The following SLC10A7 variants were observed in gnomAD, a reference collection of about 807,000 sequenced individuals.
SLC10A7 encodes the protein solute carrier family 10 member 7, also known as sodium/bile acid cotransporter 7.
In SLC10A7, 29 loss-of-function variants were observed where a neutral mutation model predicts 43.2. That is an observed-to-expected ratio of 0.67 (90% CI 0.50 to 0.92). The LOEUF is 0.92. Among genes scored for constraint, SLC10A7 ranks in the 40% least tolerant of loss-of-function variants. The pLI, the probability that SLC10A7 is intolerant of heterozygous loss-of-function variation, is 0.00. For synonymous variants in SLC10A7, 152 were observed against 144.8 expected, an observed-to-expected ratio of 1.05 and a Z score of -0.35; for missense variants, 295 against 403.2, an observed-to-expected ratio of 0.73 and a Z score of 2.30.
At chr4:146,376,476 C>T (rs79118085) in intron 5 of SLC10A7, among the ~76,000 whole-genome samples, 9,608 of 152,058 alleles carry the variant, frequency 0.063, 386 homozygotes, top group South Asian at 0.17. Context: ...AAACCCCAAA[C>T]CCCACTGGCA....
At chr4:146,489,901 C>A (rs1300024528) in intron 4 of SLC10A7, among the ~76,000 whole-genome samples, 2 of 152,140 alleles carry the variant, frequency 1.3e-5, no homozygotes. Context: ...AGTTTATCAA[C>A]CACAGGCAAA....
chr4:146,391,871 AG>A (rs755661541), intron 5 of SLC10A7, among the ~76,000 whole-genome samples: 2 of 152,196 alleles, frequency 1.3e-5, no homozygotes, highest in Non-Finnish European at 1.5e-5. Context: ...TTAAGGCAAA[AG>A]CCCACTGGCC....
At chr4:146,459,449 A>G (rs1468967106) in intron 4 of SLC10A7, among the ~76,000 whole-genome samples, 1 of 151,812 alleles carries the variant, frequency 6.6e-6, no homozygotes, top group Non-Finnish European at 1.5e-5. Flanking sequence ...TAATCAAGAT[A>G]ATGTGGTACT....
intron 5 of SLC10A7, among the ~76,000 whole-genome samples, chr4:146,440,317 T>C (rs1730505629): frequency 6.6e-6 from 1 of 151,484 alleles, no homozygotes; most frequent in Non-Finnish European, 1.5e-5. Context: ...AGAGTCTCGC[T>C]CTTTCACCCA....
At chr4:146,273,510 G>C (rs1347993437) in intron 10 of SLC10A7, among the ~76,000 whole-genome samples, 2 of 152,110 alleles carry the variant, frequency 1.3e-5, no homozygotes, top group East Asian at 1.9e-4. Context: ...TAACTATCTC[G>C]AAGGGTGGTT....
intron 5 of SLC10A7, among the ~76,000 whole-genome samples, chr4:146,338,608 T>C (rs1734050778): frequency 6.6e-6 from 1 of 151,988 alleles, no homozygotes. Flanking sequence ...GAAAAGTTGA[T>C]GCCCAAGGAG....
At chr4:146,347,386 A>C (rs533911464) in intron 5 of SLC10A7, among the ~76,000 whole-genome samples, 1 of 152,208 alleles carries the variant, frequency 6.6e-6, no homozygotes, top group Non-Finnish European at 1.5e-5. Flanking sequence ...AAATACCTCA[A>C]AAAGTGCTCT....
chr4:146,516,850 C>T (rs182117370), intron 2 of SLC10A7, among the ~76,000 whole-genome samples, 188 bp downstream of exon 2: 6 of 152,306 alleles, frequency 3.9e-5, no homozygotes, highest in Admixed American at 2.6e-4. Flanking sequence ...TGCTGCTCAA[C>T]TGTACAGCTT....
intron 3 of SLC10A7, among the ~76,000 whole-genome samples, 165 bp downstream of exon 3, chr4:146,509,748 C>A (rs542964769): frequency 6.6e-6 from 1 of 152,108 alleles, no homozygotes; most frequent in Non-Finnish European, 1.5e-5. Context: ...ATTTGATGAA[C>A]CTCCTTGATG....
chr4:146,375,901 A>C (rs1579028322), intron 5 of SLC10A7, among the ~76,000 whole-genome samples: 1 of 152,142 alleles, frequency 6.6e-6, no homozygotes, highest in Non-Finnish European at 1.5e-5. Context: ...TTCACATGCT[A>C]ATCACAAGTC....
intron 5 of SLC10A7, among the ~76,000 whole-genome samples, chr4:146,373,733 C>A (rs185393163): frequency 6.6e-6 from 1 of 152,264 alleles, no homozygotes; most frequent in Non-Finnish European, 1.5e-5. Context: ...AAACTTTCAT[C>A]CACCAGAATC....
intron 6 of SLC10A7, among the ~76,000 whole-genome samples, chr4:146,311,787 C>T (rs1268681054): frequency 1.3e-5 from 2 of 152,082 alleles, no homozygotes; most frequent in Non-Finnish European, 2.9e-5. Context: ...TACTATTGTG[C>T]CCACACACAG....
chr4:146,515,298 C>G, intron 2 of SLC10A7: 1 of 617,460 alleles, frequency 1.6e-6, no homozygotes, highest in East Asian at 2.8e-5. Context: ...GAGCATTAGC[C>G]AAGGTCAGCA....
intron 5 of SLC10A7, among the ~76,000 whole-genome samples, chr4:146,406,641 C>T (rs1727719253): frequency 6.6e-6 from 1 of 152,152 alleles, no homozygotes; most frequent in African/African-American, 2.4e-5. Flanking sequence ...AGAAGCCAAC[C>T]ACCAGCCATC....
chr4:146,520,050 A>C (rs1738475598), intron 1 of SLC10A7, among the ~76,000 whole-genome samples: 1 of 152,222 alleles, frequency 6.6e-6, no homozygotes, highest in Non-Finnish European at 1.5e-5. Context: ...TTCAGCATTC[A>C]ACACCTTTCT....
At chr4:146,421,406 T>C (rs1728954612) in intron 5 of SLC10A7, among the ~76,000 whole-genome samples, 1 of 152,222 alleles carries the variant, frequency 6.6e-6, no homozygotes, top group African/African-American at 2.4e-5. Context: ...CTCAGAACAT[T>C]CTACACAGCA....
chr4:146,301,012 T>G (rs1731125735), intron 7 of SLC10A7, among the ~76,000 whole-genome samples: 1 of 152,202 alleles, frequency 6.6e-6, no homozygotes, highest in African/African-American at 2.4e-5. Context: ...AATAGTAACC[T>G]ATGGAGACCA....
At chr4:146,265,072 TA>T (rs1728470951) in intron 10 of SLC10A7, among the ~76,000 whole-genome samples, 1 of 152,166 alleles carries the variant, frequency 6.6e-6, no homozygotes, top group Admixed American at 6.5e-5. Context: ...TCGACTTCAG[TA>T]AAAAACAATC....
intron 5 of SLC10A7, among the ~76,000 whole-genome samples, chr4:146,422,232 G>T (rs1469946008): frequency 6.6e-6 from 1 of 151,980 alleles, no homozygotes; most frequent in Non-Finnish European, 1.5e-5. Flanking sequence ...GAGAATAAAG[G>T]TACAAAAAAA....
Sources: gnomAD v4.1 joint callset for allele counts (sites outside exome capture counted in the v4.1 genomes callset) on GRCh38, gnomAD v4.1.1 for gene constraint, MANE v1.5 for transcripts, NCBI Gene and HGNC (gene_info 2026-07-23, HGNC 2026-07-21) for gene names.